Variants in NXPH1 observed in about 807,000 individuals in gnomAD.
The protein encoded by NXPH1 is neurexophilin 1.
Under a neutral mutation model 23.7 loss-of-function variants are expected in NXPH1, and 5 were observed. That is an observed-to-expected ratio of 0.21 (90% CI 0.11 to 0.44). The LOEUF is 0.44. Ranked by LOEUF, NXPH1 falls within the 20% of genes least tolerant of loss-of-function variation. NXPH1 has a pLI of 0.99. For synonymous variants in NXPH1, 144 were observed against 122.2 expected (o/e 1.18, Z -1.18); for missense variants, 324 against 321.6 (o/e 1.01, Z -0.06).
In NXPH1 at chr7:8,638,285, T is replaced by G. The variant is rs529170460; in HGVS notation, c.55-112723T>G. ...AGCTAGGAACCTGAATTGGCACTGC[T>G]CAGCTCATTGTTTTGGGCATATCAG... On this transcript the variant is annotated intron_variant, in intron 2 of 2. Coordinates refer to ENST00000405863, the MANE Select transcript of NXPH1 (RefSeq NM_152745.3). Among the ~76,000 whole-genome samples, 60 of 152,226 alleles carry G rather than the reference T, an allele frequency of 3.9e-4. 1 individual carries two copies. The highest frequency in any genetic ancestry group is 1.4e-3 in the African/African-American group (57 of 41,552).
intron 2 of NXPH1, among the ~76,000 whole-genome samples, chr7:8,668,502 A>G (rs1449934038): frequency 6.6e-6 from 1 of 152,006 alleles, no homozygotes; most frequent in Non-Finnish European, 1.5e-5. Context: ...GCCTGGGTCC[A>G]TGGGATTGGG....
intron 2 of NXPH1, among the ~76,000 whole-genome samples, chr7:8,739,205 C>A (rs968261502): frequency 5.3e-5 from 6 of 112,660 alleles, no homozygotes; most frequent in East Asian, 3.1e-4. Flanking sequence ...AAAAAAAAAA[C>A]CCTGCAGCTA....
Position 8,435,983 on chromosome 7 carries a change from G to A in NXPH1, c.54+216G>A, listed in dbSNP as rs934135536. 1.4e-4 allele frequency among the ~76,000 whole-genome samples: 21 copies of A among 152,188 alleles called. No homozygotes were observed. The highest frequency in any genetic ancestry group is 1.3e-3 in the Admixed American group (20 of 15,286). On this transcript the variant is annotated intron_variant, in intron 2 of 2. Coordinates refer to ENST00000405863, the MANE Select transcript of NXPH1 (RefSeq NM_152745.3). The surrounding 1 kb of genome is among the most constrained non-coding windows in gnomAD (Gnocchi z 5.9). ...GCTCCAATCCCCCAGTCTCCTGCGC[G>A]TGATTCTTGAAAGGGGCTAGGGCGC...
chr7:8,581,301 T>C (rs1471612761), intron 2 of NXPH1, among the ~76,000 whole-genome samples: 1 of 152,154 alleles, frequency 6.6e-6, no homozygotes, highest in Non-Finnish European at 1.5e-5. Context: ...GGGTAATTTA[T>C]AAAGAAAAGA....
chr7:8,694,934 C>T (rs1353315375), intron 2 of NXPH1, among the ~76,000 whole-genome samples: 1 of 152,100 alleles, frequency 6.6e-6, no homozygotes, highest in Non-Finnish European at 1.5e-5. Flanking sequence ...ATAATTCAGT[C>T]TACCTAGGAA....
intron 2 of NXPH1, among the ~76,000 whole-genome samples, chr7:8,619,895 C>T (rs187702847): frequency 2.9e-4 from 44 of 152,252 alleles, no homozygotes; most frequent in Middle Eastern, 6.8e-3. Flanking sequence ...GACTTGCTTC[C>T]TCAACTACCT....
chr7:8,479,362 C>T (rs554343734), intron 2 of NXPH1, among the ~76,000 whole-genome samples: 11 of 152,174 alleles, frequency 7.2e-5, no homozygotes, highest in African/African-American at 2.4e-4. Flanking sequence ...TTTTCTAATT[C>T]TGTCATTCCT....
rs117478946 is a variant in NXPH1, at chr7:8,681,414, C to G, written c.55-69594C>G. ...TTAACTTTGTAGACACCAAAGGGAC[C>G]TTGTGTTTATTATAATATATATATG... On this transcript the variant is annotated intron_variant, in intron 2 of 2. Transcript: ENST00000405863. 1.9e-3 allele frequency among the ~76,000 whole-genome samples: 282 copies of G among 152,140 alleles called. 7 individuals are homozygous for G. In the East Asian group the frequency reaches 0.046, roughly 25 times the overall value.
intron 2 of NXPH1, among the ~76,000 whole-genome samples, chr7:8,618,749 A>G (rs766944436): frequency 3.3e-5 from 5 of 152,228 alleles, no homozygotes; most frequent in Non-Finnish European, 5.9e-5. Flanking sequence ...TATACAAGAT[A>G]TTTAATCCAA....
intron 2 of NXPH1, among the ~76,000 whole-genome samples, chr7:8,734,608 T>G (rs1346358394): frequency 1.3e-5 from 2 of 152,168 alleles, no homozygotes; most frequent in Non-Finnish European, 2.9e-5. Flanking sequence ...TGTTTTACTT[T>G]CAAGTATGTG....
intron 2 of NXPH1, among the ~76,000 whole-genome samples, chr7:8,653,686 T>C (rs1469441998): frequency 1.3e-5 from 2 of 152,212 alleles, no homozygotes; most frequent in African/African-American, 2.4e-5. Flanking sequence ...CTGGGGAATA[T>C]TTGCCCTCTT....
chr7:8,736,244 C>T (rs1018753212), intron 2 of NXPH1, among the ~76,000 whole-genome samples: 1 of 152,138 alleles, frequency 6.6e-6, no homozygotes, highest in African/African-American at 2.4e-5. Context: ...TAGATCTTTC[C>T]TCCTTTCTCC....
intron 2 of NXPH1, among the ~76,000 whole-genome samples, chr7:8,622,838 A>G (rs991441724): frequency 7.2e-5 from 11 of 152,202 alleles, no homozygotes; most frequent in African/African-American, 2.7e-4. Flanking sequence ...CGATTAAATG[A>G]ATATTTTGAG....
chr7:8,517,024 C>T (rs1045214603), intron 2 of NXPH1, among the ~76,000 whole-genome samples: 1 of 152,066 alleles, frequency 6.6e-6, no homozygotes, highest in African/African-American at 2.4e-5. Context: ...TATAAACAAA[C>T]ATTAATCAAT....
intron 2 of NXPH1, among the ~76,000 whole-genome samples, chr7:8,639,820 GC>G (rs1334728318): frequency 6.6e-6 from 1 of 152,020 alleles, no homozygotes; most frequent in Non-Finnish European, 1.5e-5. Context: ...TTTTTCTTTT[GC>G]CCCGGCCATG....
At chr7:8,695,623 G>C (rs950527927) in intron 2 of NXPH1, among the ~76,000 whole-genome samples, 1 of 152,058 alleles carries the variant, frequency 6.6e-6, no homozygotes, top group Admixed American at 6.5e-5. Context: ...CTTTGTTAAG[G>C]AATTTTGGAT....
At chr7:8,506,781 G>A (rs940823629) in intron 2 of NXPH1, among the ~76,000 whole-genome samples, 168 of 152,030 alleles carry the variant, frequency 1.1e-3, no homozygotes, top group African/African-American at 4.0e-3. Context: ...GAGGGCCAAT[G>A]CAGCAGAGGG....
chr7:8,652,304 T>A (rs1820502860), intron 2 of NXPH1, among the ~76,000 whole-genome samples: 1 of 152,154 alleles, frequency 6.6e-6, no homozygotes, highest in Non-Finnish European at 1.5e-5. Context: ...GTATTTAAAT[T>A]TATGTGAATA....
rs1821011099 is a variant in NXPH1 at position 8,679,131 on chromosome 7, T to A, written c.55-71877T>A. Among the ~76,000 whole-genome samples the A allele has an allele frequency of 3.3e-5, 5 of 151,868 alleles. No homozygotes were observed. The South Asian group carries it at 1.0e-3, about 32-fold the overall frequency. ...CCCGGCTAATTTTTTGTATTTTTAG[T>A]AGAGACGGGGTTTCACCGTGTTAGC... On this transcript the variant is annotated intron_variant, in intron 2 of 2. Coordinates refer to ENST00000405863, the MANE Select transcript of NXPH1 (RefSeq NM_152745.3).
Sources: allele counts gnomAD v4.1 joint callset (sites outside exome capture counted in the v4.1 genomes callset), GRCh38; gene constraint gnomAD v4.1.1; non-coding constraint Gnocchi (gnomAD v3.1); transcripts MANE v1.5; gene names NCBI Gene and HGNC (gene_info 2026-07-23, HGNC 2026-07-21).